Variants in CLSTN2 observed in about 807,000 individuals in gnomAD.
The protein encoded by CLSTN2 is calsyntenin 2.
A neutral mutation model predicts 101.2 loss-of-function variants in CLSTN2; 48 were observed. The observed-to-expected ratio is 0.47, with a 90% CI of 0.38 to 0.60. The LOEUF (loss-of-function observed/expected upper bound fraction) is 0.60, where lower values mean the gene tolerates loss of function less well. CLSTN2 is among the 20% of genes least tolerant of loss of function. The pLI, the probability that CLSTN2 is intolerant of heterozygous loss-of-function variation, is 0.00. For synonymous variants in CLSTN2, 481 were observed against 463.6 expected, an observed-to-expected ratio of 1.04 and a Z score of -0.48; for missense variants, 1,160 against 1,238.2, an observed-to-expected ratio of 0.94 and a Z score of 0.95.
chr3:140,012,636 C>A (rs1646718536), intron 1 of CLSTN2, among the ~76,000 whole-genome samples: 1 of 152,196 alleles, frequency 6.6e-6, no homozygotes, highest in Non-Finnish European at 1.5e-5. Context: ...GGCAGAACTG[C>A]ATCTCATCGA....
chr3:140,400,210 A>G (rs2088224925), intron 2 of CLSTN2, among the ~76,000 whole-genome samples: 2 of 152,200 alleles, frequency 1.3e-5, no homozygotes, highest in Admixed American at 1.3e-4. Context: ...AAGACATAAC[A>G]TGATTACCTT....
chr3:140,437,034 C>T (rs1192027839), intron 5 of CLSTN2, among the ~76,000 whole-genome samples: 2 of 146,196 alleles, frequency 1.4e-5, no homozygotes, highest in Non-Finnish European at 3.0e-5. Flanking sequence ...GGACCTTCTA[C>T]CTGCTGGGAG....
chr3:139,981,643 C>T (rs940330149), intron 1 of CLSTN2, among the ~76,000 whole-genome samples: 7 of 152,184 alleles, frequency 4.6e-5, no homozygotes, highest in African/African-American at 1.4e-4. Context: ...AGAGTTCAGG[C>T]GTCCAAACTG....
chr3:139,986,687 C>T (rs918789895), intron 1 of CLSTN2, among the ~76,000 whole-genome samples: 5 of 152,158 alleles, frequency 3.3e-5, no homozygotes, highest in African/African-American at 9.7e-5. Context: ...TGGCATTGCA[C>T]ATTCCTATAT....
chr3:140,307,370 C>T (rs890343188), intron 2 of CLSTN2, among the ~76,000 whole-genome samples: 6 of 152,198 alleles, frequency 3.9e-5, no homozygotes, highest in Non-Finnish European at 7.3e-5. Flanking sequence ...TCCTCCTGGG[C>T]ACTCCTGCCC....
chr3:140,525,389 C>G (rs1935116066), intron 8 of CLSTN2, among the ~76,000 whole-genome samples: 1 of 152,108 alleles, frequency 6.6e-6, no homozygotes, highest in African/African-American at 2.4e-5. Context: ...CAAGATTGAA[C>G]TAGGAAGCAC....
At position 140,566,407 on chromosome 3, in the gene CLSTN2, T is replaced by A. The variant is rs1427972041; in HGVS notation, c.*154T>A. On this transcript the variant is annotated 3_prime_UTR_variant, in exon 17 of 17. Coordinates refer to ENST00000458420, the MANE Select transcript of CLSTN2 (RefSeq NM_022131.3). ...AGCCCACCCTTTAAGCCTTGGGCAC[T>A]CCCTGTGTTTCATCCATGGGGAAGT... 8 of 704,332 alleles carry A rather than the reference T, an allele frequency of 1.1e-5. No homozygotes were observed. The highest frequency in any genetic ancestry group is 1.9e-5 in the Non-Finnish European group (8 of 417,248). 43.6% of individuals were successfully genotyped at this position (704,332 alleles called of 1,614,324 possible). A position where few individuals can be genotyped will look rare whatever the true frequency, so the allele number is the denominator to read the frequency against.
intron 2 of CLSTN2, among the ~76,000 whole-genome samples, chr3:140,221,674 A>C (rs924319198): frequency 1.3e-5 from 2 of 152,240 alleles, no homozygotes; most frequent in Admixed American, 6.5e-5. Flanking sequence ...TGGGCAAAAA[A>C]TATGAATAGA....
At chr3:140,439,380 GTC>G (rs1404738942) in intron 5 of CLSTN2, among the ~76,000 whole-genome samples, 3 of 152,224 alleles carry the variant, frequency 2.0e-5, no homozygotes, top group Non-Finnish European at 4.4e-5. Context: ...AGGCCCCAAA[GTC>G]TCTGCCAACG....
intron 10 of CLSTN2, among the ~76,000 whole-genome samples, chr3:140,551,778 T>G (rs1441449172): frequency 3.3e-5 from 5 of 150,024 alleles, no homozygotes; most frequent in African/African-American, 1.2e-4. Flanking sequence ...GTTGTAAGAA[T>G]TTAATTATAC....
rs898676552 is a variant in CLSTN2, at chr3:139,967,245, A to G, written c.109+31762A>G. Among the ~76,000 whole-genome samples, 3 of 152,286 alleles carry G rather than the reference A, an allele frequency of 2.0e-5. No individual in the cohort carries two copies. In the East Asian group the frequency reaches 5.8e-4, roughly 29 times the overall value. ...GACTACTTTGAAAGGAGGTCTGTAC[A>G]TGGGTGGGAGGCCTCCTGCCATCCT... On this transcript the variant is annotated intron_variant, in intron 1 of 16. Coordinates refer to ENST00000458420, the MANE Select transcript of CLSTN2 (RefSeq NM_022131.3).
chr3:140,135,087 AACACACACAC>A (rs780837347), intron 1 of CLSTN2, among the ~76,000 whole-genome samples: 104 of 51,340 alleles, frequency 2.0e-3, no homozygotes, highest in African/African-American at 5.0e-3. Context: ...CTCTCAAAAA[AACACACACAC>A]ACACACACAC....
chr3:140,520,418 C>T (rs1445264963), intron 8 of CLSTN2, among the ~76,000 whole-genome samples: 1 of 152,204 alleles, frequency 6.6e-6, no homozygotes, highest in African/African-American at 2.4e-5. Flanking sequence ...GAGAAATAGG[C>T]ACCTTCTTCA....
At chr3:140,087,783 G>T (rs1020614613) in intron 1 of CLSTN2, among the ~76,000 whole-genome samples, 4 of 152,212 alleles carry the variant, frequency 2.6e-5, no homozygotes, top group African/African-American at 7.2e-5. Flanking sequence ...GAGCTTCTCA[G>T]AGGAGGTGAA....
intron 1 of CLSTN2, among the ~76,000 whole-genome samples, chr3:140,025,452 T>G (rs2007399026): frequency 6.6e-6 from 1 of 152,204 alleles, no homozygotes; most frequent in Non-Finnish European, 1.5e-5. Context: ...TGCCTGACCC[T>G]CAGCTTTCCG....
chr3:140,082,347 T>C (rs980919017), intron 1 of CLSTN2, among the ~76,000 whole-genome samples: 9 of 152,188 alleles, frequency 5.9e-5, no homozygotes, highest in African/African-American at 2.2e-4. Context: ...ATGATGGGAA[T>C]GTGCATTGCT....
At chr3:140,492,674 G>A (rs1005232085) in intron 8 of CLSTN2, among the ~76,000 whole-genome samples, 1 of 152,142 alleles carries the variant, frequency 6.6e-6, no homozygotes, top group Non-Finnish European at 1.5e-5. Context: ...GGTAACCTTG[G>A]TTTACATTCT....
In CLSTN2 at chr3:140,572,094, T is replaced by G. The variant is rs961123611; in HGVS notation, c.*5841T>G. On this transcript the variant is annotated 3_prime_UTR_variant, in exon 17 of 17. Coordinates refer to ENST00000458420, the MANE Select transcript of CLSTN2 (RefSeq NM_022131.3). ...TGTGAGCTGTTGGGATGTCCCTTTG[T>G]GGTGTTGGAAGCTGTGCACGAGCAG... The G allele has an allele frequency of 6.6e-6, 1 of 152,314 alleles. No homozygotes were observed. Among genetic ancestry groups the G allele is most frequent in the Non-Finnish European group, 1.5e-5 (1 of 68,126 alleles). The allele number at this position is 152,314 out of a possible 1,614,324, so 9.4% of individuals were successfully genotyped here.
chr3:140,181,780 T>A (rs1332254118), intron 2 of CLSTN2, among the ~76,000 whole-genome samples: 1 of 152,160 alleles, frequency 6.6e-6, no homozygotes, highest in Admixed American at 6.5e-5. Flanking sequence ...CTATTATGAT[T>A]CTGTTTTGCA....
Sources: gnomAD v4.1 joint callset for allele counts (sites outside exome capture counted in the v4.1 genomes callset) on GRCh38, gnomAD v4.1.1 for gene constraint, MANE v1.5 for transcripts, NCBI Gene and HGNC (gene_info 2026-07-23, HGNC 2026-07-21) for gene names.